The following PWWP3A variants were observed in gnomAD, a reference collection of about 807,000 sequenced individuals.
PWWP3A encodes PWWP domain-containing DNA repair factor 3A.
PWWP3A carries 53 observed loss-of-function variants against 79.0 expected under a neutral mutation model. The ratio of observed to expected loss-of-function variants is 0.67; its 90% CI spans 0.54 to 0.84. The LOEUF (loss-of-function observed/expected upper bound fraction) is 0.84, where lower values mean the gene tolerates loss of function less well. Ranked by LOEUF, PWWP3A falls within the 40% of genes least tolerant of loss-of-function variation. The probability of loss-of-function intolerance (pLI) is 0.00; values close to 1 mark genes in which losing one functional copy is unlikely to be tolerated. For missense variants in PWWP3A, 973 were observed against 948.0 expected (o/e 1.03, Z -0.35); for synonymous variants, 443 against 394.4 (o/e 1.12, Z -1.46).
intron 5 of PWWP3A, among the ~76,000 whole-genome samples, chr19:1,361,681 C>T (rs1232849139): frequency 3.9e-5 from 6 of 152,206 alleles, no homozygotes; most frequent in Non-Finnish European, 1.5e-5. Context: ...CTCCTTAGCA[C>T]GTTGGAAGCG....
At position 1,368,845 on chromosome 19, in the gene PWWP3A, TCGGG is replaced by T. The variant is rs1357402027; in HGVS notation, c.1423-419_1423-416del. On this transcript the variant is annotated intron_variant, in intron 9 of 13. Coordinates refer to ENST00000591337, the MANE Select transcript of PWWP3A (RefSeq NM_001369789.1). This position sits in a 1 kb window ranked among gnomAD's most constrained non-coding sequence, Gnocchi z 4.7. ...GATGCGTTCAGACCAGCCCAAGCCT[TCGGG>T]TCCCCGGTGCCCACCTGCGTTCAGA... Among the ~76,000 whole-genome samples the T allele has an allele frequency of 3.4e-5, 5 of 145,804 alleles. No homozygotes were observed. Among genetic ancestry groups the T allele is most frequent in the Admixed American group, 2.7e-4 (4 of 14,842 alleles).
chr19:1,362,751 G>A (rs1182172220), intron 6 of PWWP3A, among the ~76,000 whole-genome samples: 1 of 152,238 alleles, frequency 6.6e-6, no homozygotes, highest in Non-Finnish European at 1.5e-5. Context: ...TTGGGGGGCT[G>A]TCCAGGGAGG....
chr19:1,358,671 TC>T (rs1164275089), intron 4 of PWWP3A: 1 of 1,527,862 alleles, frequency 6.5e-7, no homozygotes, highest in Admixed American at 2.0e-5. Context: ...CTAGAACCAC[TC>T]CTATTCTTGA....
chr19:1,361,375 ACT>A (rs1296955625), intron 5 of PWWP3A, among the ~76,000 whole-genome samples: 7 of 152,138 alleles, frequency 4.6e-5, no homozygotes, highest in Admixed American at 3.3e-4. Flanking sequence ...CCGAGGATTA[ACT>A]CTTTTAACGG....
chr19:1,367,218 C>G lies in PWWP3A; in HGVS notation c.1420C>G (p.Leu474Val), dbSNP rs779358528. The change falls in exon 9 of 14, where the codon CTG becomes GTG. Residue 474 changes from leucine (L) to valine (V), a missense_variant and splice_region_variant. Coordinates refer to ENST00000591337, the MANE Select transcript of PWWP3A (RefSeq NM_001369789.1). ...TGATTGTAAAGAGAAACAGACGCTTCTGGTAGGTGGATGATGTTTTGTGCT... is the reference window on the plus strand; with the variant it reads ...TGATTGTAAAGAGAAACAGACGCTTGTGGTAGGTGGATGATGTTTTGTGCT... ...HFDCKEKQTL[L>V]NQAREDFNQD... The G allele has an allele frequency of 1.2e-6, 2 of 1,612,356 alleles. No homozygotes were observed. Among genetic ancestry groups the G allele is most frequent in the Non-Finnish European group, 1.7e-6 (2 of 1,179,098 alleles).
At chr19:1,372,507 C>T (rs764163150) in intron 12 of PWWP3A, 1 of 151,838 alleles carries the variant, frequency 6.6e-6, no homozygotes, top group Non-Finnish European at 1.5e-5. Flanking sequence ...ATCGGTAATT[C>T]CAGCACTTTG....
At chr19:1,366,258 A>C in intron 7 of PWWP3A, 47 bp from the exon 8 acceptor site, 1 of 1,584,904 alleles carries the variant, frequency 6.3e-7, no homozygotes, top group East Asian at 2.2e-5. Context: ...TTTAAAATCC[A>C]CGATCTCTTT....
intron 13 of PWWP3A, 47 bp from the exon 14 acceptor site, chr19:1,376,472 A>AAC (rs1325597343): frequency 3.8e-6 from 6 of 1,595,062 alleles, no homozygotes; most frequent in Non-Finnish European, 5.2e-6. Context: ...CATATTCTTT[A>AAC]ACACACAATG....
intron 6 of PWWP3A, 188 bp from the exon 7 acceptor site, chr19:1,364,321 G>T: frequency 1.5e-6 from 1 of 688,586 alleles, no homozygotes; most frequent in Non-Finnish European, 2.7e-6. Context: ...TTGGTGGTTA[G>T]ACTCAAGTAG....
At chr19:1,366,863 C>T (rs887214393) in intron 8 of PWWP3A, among the ~76,000 whole-genome samples, 5 of 152,336 alleles carry the variant, frequency 3.3e-5, no homozygotes, top group African/African-American at 1.2e-4. Context: ...ACGCGCAGAA[C>T]CGGTGTCATC....
chr19:1,368,430 T>C lies in PWWP3A; in HGVS notation c.1423-835T>C, dbSNP rs1255848019. 6.6e-6 allele frequency among the ~76,000 whole-genome samples: 1 copy of C among 152,186 alleles called. No homozygotes were observed. Among genetic ancestry groups the C allele is most frequent in the Admixed American group, 6.5e-5 (1 of 15,274 alleles). On this transcript the variant is annotated intron_variant, in intron 9 of 13. Coordinates refer to ENST00000591337, the MANE Select transcript of PWWP3A (RefSeq NM_001369789.1). This position sits in a 1 kb window ranked among gnomAD's most constrained non-coding sequence, Gnocchi z 4.7. ...TGGTCCCGAAGCCCACTTGATTCAGTGGTAGTCACCGTGGCTTCTGAGGGA... is the reference window on the plus strand; with the variant it reads ...TGGTCCCGAAGCCCACTTGATTCAGCGGTAGTCACCGTGGCTTCTGAGGGA...
In PWWP3A at chr19:1,369,516, C is replaced by T. The variant is rs972128617; in HGVS notation, c.1499-80C>T. On this transcript the variant is annotated intron_variant, in intron 10 of 13. Coordinates refer to ENST00000591337, the MANE Select transcript of PWWP3A (RefSeq NM_001369789.1). The surrounding 1 kb of genome is among the most constrained non-coding windows in gnomAD (Gnocchi z 4.0). ...GGCCTGATTATTTCCTAAACAGAGA[C>T]GCCGGGCCAGCCCCTGGAACACACT... The T allele has an allele frequency of 1.5e-5, 24 of 1,561,528 alleles. No individual in the cohort carries two copies. The highest frequency in any genetic ancestry group is 5.0e-5 in the Admixed American group (3 of 59,880).
chr19:1,370,785 C>T lies in PWWP3A; in HGVS notation c.1693C>T (p.Arg565Trp), dbSNP rs1371785435. Residue 565 changes from arginine to tryptophan, a missense_variant, in exon 12 of 14, where the codon CGG becomes TGG. Transcript: ENST00000591337. Reference protein sequence around the residue: ...PCRKMLPDRSRAARDRANQKL... With the variant: ...PCRKMLPDRSWAARDRANQKL... The stretch of plus-strand genomic sequence containing the variant: ...CCGGAAAATGCTCCCCGACCGCTCG[C>T]GGGCCGCCCGGGACCGGGCCAACCA... 4.5e-6 allele frequency: 7 copies of T among 1,545,368 alleles called. No homozygotes were observed. Among genetic ancestry groups the T allele is most frequent in the Non-Finnish European group, 5.2e-6 (6 of 1,143,488 alleles).
At chr19:1,372,364 G>A (rs1056636878) in intron 12 of PWWP3A, 5 of 152,214 alleles carry the variant, frequency 3.3e-5, no homozygotes, top group Non-Finnish European at 5.9e-5. Flanking sequence ...AATGGACTCT[G>A]TTAAAAATGT....
At chr19:1,371,674 AC>A (rs1157859666) in intron 12 of PWWP3A, among the ~76,000 whole-genome samples, 1 of 152,174 alleles carries the variant, frequency 6.6e-6, no homozygotes, top group African/African-American at 2.4e-5. Context: ...TGGGAAAAAA[AC>A]ATACTCAAAA....
chr19:1,376,468 C>A, intron 13 of PWWP3A, 51 bp from the exon 14 acceptor site: 1 of 1,589,484 alleles, frequency 6.3e-7, no homozygotes, highest in South Asian at 1.1e-5. Flanking sequence ...CTCTCATATT[C>A]TTTAACACAC....
rs1370931878 is a variant in PWWP3A, at chr19:1,375,603, T to C, written c.2076-916T>C. On this transcript the variant is annotated intron_variant, in intron 13 of 13. Coordinates refer to ENST00000591337, the MANE Select transcript of PWWP3A (RefSeq NM_001369789.1). ...ATAAAATGTATAATTTTATATATTA[T>C]AATATATACAATTATATAACAATTT... is the stretch of plus-strand genomic sequence containing the variant. 9.8e-3 allele frequency among the ~76,000 whole-genome samples: 467 copies of C among 47,628 alleles called. 2 individuals are homozygous for C. The highest frequency in any genetic ancestry group is 0.028 in the African/African-American group (447 of 15,850). The allele number at this position is 47,628 out of a possible 152,430, so 31.2% of individuals were successfully genotyped here. A position where few individuals can be genotyped will look rare whatever the true frequency, so the allele number is the denominator to read the frequency against.
At position 1,369,650 on chromosome 19, in the gene PWWP3A, A is replaced by G; in HGVS notation, c.1549+4A>G. On this transcript the variant is annotated splice_donor_region_variant and intron_variant, in intron 11 of 13. Coordinates refer to ENST00000591337, the MANE Select transcript of PWWP3A (RefSeq NM_001369789.1). This position sits in a 1 kb window ranked among gnomAD's most constrained non-coding sequence, Gnocchi z 4.0. ...GAATATTACGCGGCTGATATAAGTAAGTCTACAGGCACATCTTGGAAAATG... is the reference window on the plus strand; with the variant it reads ...GAATATTACGCGGCTGATATAAGTAGGTCTACAGGCACATCTTGGAAAATG... 1 of 1,614,198 alleles carries G rather than the reference A, an allele frequency of 6.2e-7. No homozygotes were observed. Among genetic ancestry groups the G allele is most frequent in the Non-Finnish European group, 8.5e-7 (1 of 1,180,012 alleles).
intron 13 of PWWP3A, among the ~76,000 whole-genome samples, chr19:1,376,301 T>G (rs369954222): frequency 0.14 from 14,841 of 104,758 alleles, 1,537 homozygotes; most frequent in African/African-American, 0.22. Flanking sequence ...GTTTGTTTTT[T>G]TTTTTGTTTG....
Sources: allele counts gnomAD v4.1 joint callset (sites outside exome capture counted in the v4.1 genomes callset), GRCh38; gene constraint gnomAD v4.1.1; non-coding constraint Gnocchi (gnomAD v3.1); transcripts MANE v1.5; gene names NCBI Gene and HGNC (gene_info 2026-07-23, HGNC 2026-07-21).